The following PWP1 variants were observed in gnomAD, a reference collection of about 807,000 sequenced individuals.
The protein encoded by PWP1 is PWP1 homolog, endonuclein.
A neutral mutation model predicts 69.9 loss-of-function variants in PWP1; 47 were observed. That is an observed-to-expected ratio of 0.67 (90% CI 0.53 to 0.86). The LOEUF is 0.86. Ranked by LOEUF, PWP1 falls within the 40% of genes least tolerant of loss-of-function variation. The pLI is 0.00. For synonymous variants in PWP1, 222 were observed against 208.2 expected, an observed-to-expected ratio of 1.07 and a Z score of -0.57; for missense variants, 551 against 608.8, an observed-to-expected ratio of 0.91 and a Z score of 1.00.
chr12:107,708,827 A>T, intron 11 of PWP1, 99 bp from the exon 12 acceptor site: 1 of 1,070,170 alleles, frequency 9.3e-7, no homozygotes, highest in Non-Finnish European at 1.4e-6. Flanking sequence ...AAGTTCCACC[A>T]GTAAGTCATA....
chr12:107,695,474 T>C lies in PWP1; in HGVS notation c.503-1000T>C, dbSNP rs76109550. The stretch of plus-strand genomic sequence containing the variant: ...ATTAAAAATAAAATCCTTAATTTAT[T>C]ATATATTTACCTCCTTCTTAATACA... On this transcript the variant is annotated intron_variant, in intron 5 of 14. Coordinates refer to ENST00000412830, the MANE Select transcript of PWP1 (RefSeq NM_007062.3). 1.3e-3 allele frequency among the ~76,000 whole-genome samples: 194 copies of C among 152,280 alleles called. 1 individual carries two copies. The highest frequency in any genetic ancestry group is 4.6e-3 in the African/African-American group (190 of 41,552).
At chr12:107,693,168 C>T in intron 5 of PWP1, 72 bp downstream of exon 5, 1 of 1,519,328 alleles carries the variant, frequency 6.6e-7, no homozygotes. Flanking sequence ...GTTACCATTT[C>T]ATTTTTAGGT....
intron 1 of PWP1, 144 bp downstream of exon 1, chr12:107,686,115 C>G: frequency 2.4e-6 from 2 of 822,996 alleles, no homozygotes; most frequent in Non-Finnish European, 3.9e-6. Flanking sequence ...CGGATTGTCG[C>G]GACTAGAGCT....
At chr12:107,686,705 G>A (rs1157329612) in intron 1 of PWP1, among the ~76,000 whole-genome samples, 2 of 152,182 alleles carry the variant, frequency 1.3e-5, no homozygotes, top group African/African-American at 2.4e-5. Flanking sequence ...GGTGGCTCAC[G>A]CCTGTAATCC....
Position 107,704,679 on chromosome 12 carries a change from C to T in PWP1, c.1009C>T (p.Arg337Ter), listed in dbSNP as rs537077822. ...YDCRSPDESHRMWRFSGQIER... is the reference protein window; with the variant it reads ...YDCRSPDESH The stretch of plus-strand genomic sequence containing the variant: ...CTGCCGAAGTCCAGATGAAAGCCAT[C>T]GAATGTGGCGATTCAGTGGGCAGAT... Residue 337 changes from arginine to a stop codon, truncating the protein, a stop_gained, in exon 11 of 15, where the codon CGA (arginine) becomes TGA (stop). Transcript: ENST00000412830. LOFTEE classifies it high-confidence loss of function. The T allele has an allele frequency of 3.7e-6, 6 of 1,613,804 alleles. No individual in the cohort carries two copies. The highest frequency in any genetic ancestry group is 1.3e-5 in the African/African-American group (1 of 74,898).
chr12:107,709,285 CTTT>C, intron 13 of PWP1, 53 bp downstream of exon 13: 1 of 1,575,094 alleles, frequency 6.3e-7, no homozygotes, highest in Non-Finnish European at 8.7e-7. Context: ...CTGACCTTGT[CTTT>C]TTCTGGAACT....
Position 107,686,837 on chromosome 12 carries a change from A to G in PWP1, c.72+866A>G, listed in dbSNP as rs564754480. ...AAAAATTAGCCGGGTGTGGTGGTGG[A>G]TGCCTGTAGTCCCAGCTACTCGGGA... On this transcript the variant is annotated intron_variant, in intron 1 of 14. Coordinates refer to ENST00000412830, the MANE Select transcript of PWP1 (RefSeq NM_007062.3). Among the ~76,000 whole-genome samples the G allele has an allele frequency of 5.8e-4, 88 of 152,112 alleles. No homozygotes were observed. In the South Asian group the frequency reaches 0.017, roughly 29 times the overall value.
chr12:107,697,446 A>G (rs1226305164), intron 6 of PWP1, 21 bp from the exon 7 acceptor site: 36 of 1,561,530 alleles, frequency 2.3e-5, no homozygotes, highest in Non-Finnish European at 2.9e-5. Flanking sequence ...GTAATCATAC[A>G]TGCATTGTTT....
chr12:107,687,955 C>T (rs891779834), intron 1 of PWP1, among the ~76,000 whole-genome samples: 15 of 141,524 alleles, frequency 1.1e-4, no homozygotes, highest in African/African-American at 4.0e-4. Flanking sequence ...CGCTTGAACC[C>T]GGGAGGTGGA....
chr12:107,706,386 C>T (rs1436640399), intron 11 of PWP1, among the ~76,000 whole-genome samples: 1 of 152,146 alleles, frequency 6.6e-6, no homozygotes, highest in African/African-American at 2.4e-5. Flanking sequence ...TGTGCAGAAG[C>T]TCTTTAGTTT....
In PWP1 at chr12:107,693,023, CTTGA is replaced by C; in HGVS notation, c.432_435del (p.Ile145SerfsTer7). The C allele has an allele frequency of 6.2e-7, 1 of 1,614,056 alleles. No homozygotes were observed. The highest frequency in any genetic ancestry group is 8.5e-7 in the Non-Finnish European group (1 of 1,179,988). On this transcript the variant is annotated frameshift_variant, in exon 5 of 15. Coordinates refer to ENST00000412830, the MANE Select transcript of PWP1 (RefSeq NM_007062.3). LOFTEE classifies it high-confidence loss of function. ...AGGAACAATATGAACGTGAAGATTT[CTTGA>C]TTAAGCCCAGTGATAATCTTATAGT...
intron 7 of PWP1, 52 bp downstream of exon 7, chr12:107,697,649 G>T: frequency 6.5e-7 from 1 of 1,528,324 alleles, no homozygotes; most frequent in Non-Finnish European, 9.0e-7. Context: ...AAGTTTACTC[G>T]GGAGTAGGGG....
At chr12:107,702,612 G>A (rs1889735201) in intron 8 of PWP1, among the ~76,000 whole-genome samples, 1 of 152,112 alleles carries the variant, frequency 6.6e-6, no homozygotes, top group African/African-American at 2.4e-5. Flanking sequence ...TAAAAAGAAA[G>A]AAAAAAGTCA....
rs1281332821 is a variant in PWP1 at position 107,712,905 on chromosome 12, A to ATAGAT, written c.*687_*691dup. ...CACCTAACAAGGGACAGTTTTAATTATAGATTGTCTTCCTATTAAGTATGA... is the reference window on the plus strand; with the variant it reads ...CACCTAACAAGGGACAGTTTTAATTATAGATTAGATTGTCTTCCTATTAAGTATGA... On this transcript the variant is annotated 3_prime_UTR_variant, in exon 15 of 15. Coordinates refer to ENST00000412830, the MANE Select transcript of PWP1 (RefSeq NM_007062.3). The ATAGAT allele has an allele frequency of 6.6e-6, 1 of 152,246 alleles. No individual in the cohort carries two copies. Among genetic ancestry groups the ATAGAT allele is most frequent in the Non-Finnish European group, 1.5e-5 (1 of 68,040 alleles). The allele number at this position is 152,246 out of a possible 1,614,324, so 9.4% of individuals were successfully genotyped here.
chr12:107,690,676 T>C (rs1380097231), intron 3 of PWP1, among the ~76,000 whole-genome samples: 1 of 152,168 alleles, frequency 6.6e-6, no homozygotes, highest in Admixed American at 6.5e-5. Context: ...TTGGCCGGGA[T>C]GGTCTCAATC....
chr12:107,693,756 C>A (rs1353231436), intron 5 of PWP1, among the ~76,000 whole-genome samples: 1 of 152,080 alleles, frequency 6.6e-6, no homozygotes, highest in African/African-American at 2.4e-5. Context: ...AATGTATAAT[C>A]CCATTTCCCT....
rs1889968446 is a variant in PWP1, at chr12:107,712,214, G to A, written c.1500G>A (p.Glu500=). ...GCAGGAGCTCAGATACACCCATGGA[G>A]TCTTAATGAAGATCATCTAATTTCC... ...FGSRSSDTPM[E]S The change falls in exon 15 of 15, where the codon GAG becomes GAA. Residue 500 remains glutamate (E), a synonymous_variant. Transcript: ENST00000412830. 3.1e-6 allele frequency: 5 copies of A among 1,610,082 alleles called. No individual in the cohort carries two copies. The highest frequency in any genetic ancestry group is 4.2e-6 in the Non-Finnish European group (5 of 1,177,116).
Position 107,690,221 on chromosome 12 carries a change from A to G in PWP1, c.319+1419A>G, listed in dbSNP as rs933919495. The stretch of plus-strand genomic sequence containing the variant: ...GTTAAATTGATGGTTAAAATATTAC[A>G]TAAGACATAGCAGAGCTGAGCGTGG... On this transcript the variant is annotated intron_variant, in intron 3 of 14. Coordinates refer to ENST00000412830, the MANE Select transcript of PWP1 (RefSeq NM_007062.3). 3.3e-5 allele frequency among the ~76,000 whole-genome samples: 5 copies of G among 152,188 alleles called. No individual in the cohort carries two copies. In the South Asian group the frequency reaches 1.0e-3, roughly 31 times the overall value.
At chr12:107,694,376 G>GA (rs908727587) in intron 5 of PWP1, among the ~76,000 whole-genome samples, 1 of 152,060 alleles carries the variant, frequency 6.6e-6, no homozygotes, top group Non-Finnish European at 1.5e-5. Context: ...TGCACAGCTT[G>GA]AAAAAATAAA....
Sources: allele counts gnomAD v4.1 joint callset (sites outside exome capture counted in the v4.1 genomes callset), GRCh38; gene constraint gnomAD v4.1.1; transcripts MANE v1.5; gene names NCBI Gene and HGNC (gene_info 2026-07-23, HGNC 2026-07-21).